Variants in CEP128 observed in about 807,000 individuals in gnomAD.
The protein encoded by CEP128 is centrosomal protein 128, also known as centrosomal protein 128kDa.
In CEP128, 132 loss-of-function variants were observed where a neutral mutation model predicts 156.7. The ratio of observed to expected loss-of-function variants is 0.84; its 90% CI spans 0.73 to 0.97. The LOEUF is 0.97. Among genes scored for constraint, CEP128 ranks in the 50% least tolerant of loss-of-function variants. The pLI, the probability that CEP128 is intolerant of heterozygous loss-of-function variation, is 0.00. For missense variants in CEP128, 1,252 were observed against 1,281.9 expected (o/e 0.98, Z 0.36); for synonymous variants, 469 against 448.9 (o/e 1.04, Z -0.57).
At chr14:80,660,328 A>G (rs1895345352) in intron 19 of CEP128, among the ~76,000 whole-genome samples, 2 of 152,312 alleles carry the variant, frequency 1.3e-5, no homozygotes, top group South Asian at 4.1e-4. Flanking sequence ...ATGTCAGTGT[A>G]TATGTTAAAA....
chr14:80,778,447 C>T (rs61979426), intron 15 of CEP128, among the ~76,000 whole-genome samples: 279 of 152,320 alleles, frequency 1.8e-3, no homozygotes, highest in Admixed American at 3.0e-3. Flanking sequence ...AAGGGAAATA[C>T]TATGAGATGT....
At chr14:80,724,498 C>T (rs568278066) in intron 19 of CEP128, among the ~76,000 whole-genome samples, 1 of 151,934 alleles carries the variant, frequency 6.6e-6, no homozygotes, top group East Asian at 1.9e-4. Context: ...CCAAAACAAA[C>T]GAAACAGAGA....
intron 8 of CEP128, among the ~76,000 whole-genome samples, chr14:80,876,870 T>C (rs977423340): frequency 2.0e-5 from 3 of 152,192 alleles, no homozygotes; most frequent in African/African-American, 7.2e-5. Context: ...AATCTTAAAA[T>C]ATGTTCTTAA....
intron 1 of CEP128, among the ~76,000 whole-genome samples, chr14:80,940,633 C>G (rs529200968): frequency 5.3e-5 from 8 of 150,846 alleles, no homozygotes; most frequent in Middle Eastern, 3.2e-3. Flanking sequence ...GAGCCCAGAC[C>G]GCGCCACTGC....
At chr14:80,734,832 T>C (rs1566884661) in intron 19 of CEP128, among the ~76,000 whole-genome samples, 1 of 99,364 alleles carries the variant, frequency 1.0e-5, no homozygotes, top group African/African-American at 4.1e-5. Context: ...TGGTGACATA[T>C]CAAGACCCCA....
At chr14:80,511,748 G>A (rs534971138) in intron 23 of CEP128, among the ~76,000 whole-genome samples, 9 of 151,672 alleles carry the variant, frequency 5.9e-5, no homozygotes, top group South Asian at 2.1e-4. Context: ...TTTCCTCTTC[G>A]TACTGCTTTT....
At chr14:80,804,656 T>C (rs575368833) in intron 13 of CEP128, among the ~76,000 whole-genome samples, 39 of 152,152 alleles carry the variant, frequency 2.6e-4, no homozygotes, top group African/African-American at 8.2e-4. Context: ...AACATATATA[T>C]ACATATATAT....
downstream of CEP128, among the ~76,000 whole-genome samples, chr14:80,489,744 T>C (rs1887259131): frequency 6.7e-6 from 1 of 150,190 alleles, no homozygotes; most frequent in African/African-American, 2.5e-5. Flanking sequence ...CAGAGTAGGA[T>C]GTGACCAACA....
chr14:80,950,906 G>GAAA (rs59969729), intron 2 of CEP128, among the ~76,000 whole-genome samples: 1,317 of 115,016 alleles, frequency 0.011, 13 homozygotes, highest in Non-Finnish European at 0.015. Flanking sequence ...TCCCGAGTAA[G>GAAA]AAAAAAAAAA....
intron 19 of CEP128, among the ~76,000 whole-genome samples, chr14:80,593,546 C>CAAAAAAAAAA: frequency 1.3e-5 from 1 of 77,838 alleles, no homozygotes; most frequent in Non-Finnish European, 2.6e-5. Context: ...GACTCCATCT[C>CAAAAAAAAAA]AAAAAAAAAA....
At position 80,693,495 on chromosome 14, in the gene CEP128, TCC is replaced by T. The variant is rs1301486166; in HGVS notation, c.2806+49578_2806+49579del. ...CAAATCTCAATCAAAATCTAATTTT[TCC>T]TATATTAAACTTAATTTGAAAATTA... On this transcript the variant is annotated intron_variant, in intron 19 of 24. Transcript: ENST00000555265. Among the ~76,000 whole-genome samples the T allele has an allele frequency of 1.5e-3, 226 of 152,284 alleles. 1 individual carries two copies. Among genetic ancestry groups the T allele is most frequent in the African/African-American group, 5.1e-3 (213 of 41,566 alleles).
intron 19 of CEP128, among the ~76,000 whole-genome samples, chr14:80,675,606 T>C (rs184104950): frequency 4.5e-4 from 69 of 152,228 alleles, no homozygotes; most frequent in Admixed American, 1.7e-3. Flanking sequence ...TTTCATCTTA[T>C]TGATTTGTAG....
chr14:80,501,059 A>G (rs572416921), intron 24 of CEP128, among the ~76,000 whole-genome samples: 24 of 151,892 alleles, frequency 1.6e-4, no homozygotes, highest in African/African-American at 5.6e-4. Context: ...GTTCAATCGT[A>G]TCAGATATCT....
chr14:80,766,841 G>C (rs1281040238), intron 16 of CEP128, among the ~76,000 whole-genome samples: 5 of 152,000 alleles, frequency 3.3e-5, no homozygotes, highest in Non-Finnish European at 5.9e-5. Context: ...AAAAGGTAGA[G>C]AAAGAGAGAA....
At chr14:80,503,563 G>A (rs563196632) in intron 24 of CEP128, among the ~76,000 whole-genome samples, 6 of 152,136 alleles carry the variant, frequency 3.9e-5, no homozygotes, top group Non-Finnish European at 8.8e-5. Context: ...ACATTATGAT[G>A]CTGTTTATCT....
intron 6 of CEP128, among the ~76,000 whole-genome samples, chr14:80,901,358 G>GCAGAATATAA (rs1566703928): frequency 3.3e-5 from 5 of 152,268 alleles, no homozygotes; most frequent in Non-Finnish European, 7.4e-5. Flanking sequence ...ATAAAACTAC[G>GCAGAATATAA]TTAAACAGAC....
At chr14:80,728,391 G>A (rs1277075080) in intron 19 of CEP128, among the ~76,000 whole-genome samples, 1 of 151,790 alleles carries the variant, frequency 6.6e-6, no homozygotes, top group East Asian at 1.9e-4. Flanking sequence ...GGGTGAGGAT[G>A]GAAAAACTAC....
At chr14:80,890,080 C>G (rs1018373265) in intron 8 of CEP128, among the ~76,000 whole-genome samples, 7 of 152,156 alleles carry the variant, frequency 4.6e-5, no homozygotes, top group Non-Finnish European at 8.8e-5. Flanking sequence ...CAGTGAGATA[C>G]CATCTCACGC....
intron 18 of CEP128, among the ~76,000 whole-genome samples, chr14:80,743,780 C>G (rs1175639268): frequency 6.6e-6 from 1 of 152,024 alleles, no homozygotes; most frequent in Non-Finnish European, 1.5e-5. Context: ...GTTTATGCTT[C>G]TAAGACACAA....
Sources: gnomAD v4.1 joint callset for allele counts (sites outside exome capture counted in the v4.1 genomes callset) on GRCh38, gnomAD v4.1.1 for gene constraint, MANE v1.5 for transcripts, NCBI Gene and HGNC (gene_info 2026-07-23, HGNC 2026-07-21) for gene names.